Variants in NEXN observed in about 807,000 individuals in gnomAD.
NEXN encodes the protein nexilin.
A neutral mutation model predicts 92.6 loss-of-function variants in NEXN; 65 were observed. The ratio of observed to expected loss-of-function variants is 0.70; its 90% CI spans 0.57 to 0.86. The LOEUF is 0.86. Among genes scored for constraint, NEXN ranks in the 40% least tolerant of loss-of-function variants. NEXN has a pLI of 0.00. For synonymous variants in NEXN, 254 were observed against 242.5 expected (o/e 1.05, Z -0.44); for missense variants, 778 against 771.1 (o/e 1.01, Z -0.11).
chr1:77,942,292 T>C, intron 12 of NEXN, 84 bp downstream of exon 12: 1 of 1,472,808 alleles, frequency 6.8e-7, no homozygotes. Flanking sequence ...AAAAAAATGT[T>C]TTAATGGTTT....
chr1:77,919,923 G>A (rs540587145), intron 5 of NEXN, among the ~76,000 whole-genome samples: 142 of 150,906 alleles, frequency 9.4e-4, no homozygotes, highest in African/African-American at 2.6e-3. Flanking sequence ...TAATTGAGAC[G>A]GAGTCTCGCT....
At chr1:77,924,319 G>A (rs147089084) in intron 5 of NEXN, 1 of 151,208 alleles carries the variant, frequency 6.6e-6, no homozygotes, top group East Asian at 2.0e-4. Flanking sequence ...CTGAGACTAC[G>A]ACACTACACT....
chr1:77,937,161 G>A (rs1312672789), intron 11 of NEXN, among the ~76,000 whole-genome samples: 1 of 151,532 alleles, frequency 6.6e-6, no homozygotes, highest in African/African-American at 2.4e-5. Context: ...CAAATTATCC[G>A]AGCACAGTGG....
At chr1:77,929,779 C>G (rs1650144131) in intron 9 of NEXN, among the ~76,000 whole-genome samples, 1 of 152,228 alleles carries the variant, frequency 6.6e-6, no homozygotes, top group Non-Finnish European at 1.5e-5. Flanking sequence ...TTTTCCAGAA[C>G]TAAGTATCCA....
At position 77,914,599 on chromosome 1, in the gene NEXN, C is replaced by T. The variant is rs562712702; in HGVS notation, c.-52-1456C>T. ...TTAGGCCTGGCACGGTGGCTCACGCCTGTAATCCCAGCACTTTGGGAGGCC... is the reference window on the plus strand; with the variant it reads ...TTAGGCCTGGCACGGTGGCTCACGCTTGTAATCCCAGCACTTTGGGAGGCC... On this transcript the variant is annotated intron_variant, in intron 1 of 12. Coordinates refer to ENST00000334785, the MANE Select transcript of NEXN (RefSeq NM_144573.4). 2.6e-5 allele frequency among the ~76,000 whole-genome samples: 4 copies of T among 152,130 alleles called. No homozygotes were observed. In the South Asian group the frequency reaches 8.3e-4, roughly 32 times the overall value.
rs898035834 is a variant in NEXN, at chr1:77,929,497, G to C, written c.1046G>C (p.Arg349Thr). 3.1e-6 allele frequency: 5 copies of C among 1,612,264 alleles called. No individual in the cohort carries two copies. The African/African-American group carries it at 6.7e-5, about 22-fold the overall frequency. The change falls in exon 9 of 13, where the codon AGA (arginine) becomes ACA (threonine). Residue 349 changes from arginine to threonine, a missense_variant. By Grantham distance (71) the Arg-to-Thr change is moderately conservative (BLOSUM62 -1). This residue lies in a region of NEXN where 532 missense variants were observed against 476.7 expected (regional missense o/e 1.12). Transcript: ENST00000334785. ...AAGAAGGCGTTTGCTGAAGCAAGGAGAAATATGGTAAGACAGAAGCTAACT... is the reference window on the plus strand; with the variant it reads ...AAGAAGGCGTTTGCTGAAGCAAGGACAAATATGGTAAGACAGAAGCTAACT... The part of the protein sequence containing the change: ...EEKKAFAEAR[R>T]NMVVDDDSPE...
At chr1:77,910,623 C>T (rs1365180169) in intron 1 of NEXN, among the ~76,000 whole-genome samples, 1 of 151,408 alleles carries the variant, frequency 6.6e-6, no homozygotes, top group Non-Finnish European at 1.5e-5. Flanking sequence ...TCGTCGGTCG[C>T]GCCTGTAGTC....
At chr1:77,942,378 A>T in intron 12 of NEXN, 83 bp from the exon 13 acceptor site, 1 of 1,524,700 alleles carries the variant, frequency 6.6e-7, no homozygotes, top group Non-Finnish European at 9.0e-7. Flanking sequence ...CTTAAAAAAA[A>T]AAATTTCATT....
chr1:77,901,062 T>C (rs933577684), intron 1 of NEXN, among the ~76,000 whole-genome samples: 1 of 152,208 alleles, frequency 6.6e-6, no homozygotes, highest in Non-Finnish European at 1.5e-5. Context: ...ATTTCTAGAA[T>C]GAGAACTTGA....
intron 1 of NEXN, among the ~76,000 whole-genome samples, chr1:77,902,346 CTT>C (rs1040767680): frequency 1.3e-5 from 2 of 152,104 alleles, no homozygotes; most frequent in African/African-American, 4.8e-5. Flanking sequence ...GTACATGTAA[CTT>C]TTCATTACTT....
At chr1:77,932,734 TTCC>T (rs556292907) in intron 9 of NEXN, among the ~76,000 whole-genome samples, 197 of 152,372 alleles carry the variant, frequency 1.3e-3, no homozygotes, top group Middle Eastern at 0.01. Context: ...TGGTTACCAT[TTCC>T]TTCATAACCA....
At chr1:77,940,858 A>G (rs566892766) in intron 11 of NEXN, among the ~76,000 whole-genome samples, 62 of 152,354 alleles carry the variant, frequency 4.1e-4, no homozygotes, top group Middle Eastern at 3.4e-3. Context: ...GTCAGGCATT[A>G]TATTTATCAA....
chr1:77,915,227 C>A (rs1038976585), intron 1 of NEXN, among the ~76,000 whole-genome samples: 1 of 150,270 alleles, frequency 6.7e-6, no homozygotes, highest in Non-Finnish European at 1.5e-5. Flanking sequence ...GAAGGAGGAT[C>A]GCTTGAGCCC....
At chr1:77,917,937 C>T (rs1169196168) in intron 3 of NEXN, 23 bp from the exon 4 acceptor site, 3 of 1,589,890 alleles carry the variant, frequency 1.9e-6, no homozygotes, top group Middle Eastern at 2.0e-4. Context: ...CATGTGCTCA[C>T]ATTAATTTAT....
chr1:77,890,690 A>T (rs1647085960), intron 1 of NEXN, among the ~76,000 whole-genome samples: 1 of 152,148 alleles, frequency 6.6e-6, no homozygotes, highest in Admixed American at 6.5e-5. Context: ...GCGGCCTATA[A>T]TGACATACTT....
At position 77,935,947 on chromosome 1, in the gene NEXN, C is replaced by T; in HGVS notation, c.1376C>T (p.Ser459Phe). 1 of 1,613,652 alleles carries T rather than the reference C, an allele frequency of 6.2e-7. No homozygotes were observed. Among genetic ancestry groups the T allele is most frequent in the Non-Finnish European group, 8.5e-7 (1 of 1,179,906 alleles). Residue 459 changes from serine (S) to phenylalanine (F), a missense_variant, in exon 11 of 13, where the codon TCT becomes TTT. Physicochemically the swap from Ser to Phe is radical, Grantham distance 155. Coordinates refer to ENST00000334785, the MANE Select transcript of NEXN (RefSeq NM_144573.4). ...AAGTTTGAAAAAATTGGACAGTTGTCTGAAAAAGAAATACAGAAAAAAATA... is the reference window on the plus strand; with the variant it reads ...AAGTTTGAAAAAATTGGACAGTTGTTTGAAAAAGAAATACAGAAAAAAATA... ...KSKFEKIGQL[S>F]EKEIQKKIEE...
At chr1:77,917,289 C>T (rs1467113902) in intron 2 of NEXN, among the ~76,000 whole-genome samples, 1 of 152,080 alleles carries the variant, frequency 6.6e-6, no homozygotes, top group African/African-American at 2.4e-5. Context: ...TTATATTTTA[C>T]TGGCTTTCAG....
chr1:77,901,171 G>A (rs1287129427), intron 1 of NEXN, among the ~76,000 whole-genome samples: 2 of 152,126 alleles, frequency 1.3e-5, no homozygotes, highest in Non-Finnish European at 2.9e-5. Flanking sequence ...GGTCCATAAA[G>A]TCCTTCCTTT....
chr1:77,938,743 G>A (rs1207843982), intron 11 of NEXN, among the ~76,000 whole-genome samples: 2 of 152,170 alleles, frequency 1.3e-5, no homozygotes, highest in East Asian at 1.9e-4. Flanking sequence ...CATTTAAGGT[G>A]AGTGTGAAGG....
Sources: gnomAD v4.1 joint callset for allele counts (sites outside exome capture counted in the v4.1 genomes callset) on GRCh38, gnomAD v4.1.1 for gene constraint, gnomAD v4.1.1 regional missense constraint, MANE v1.5 for transcripts, NCBI Gene and HGNC (gene_info 2026-07-23, HGNC 2026-07-21) for gene names.